EIF2B4: variants seen among roughly 807,000 people sequenced by gnomAD.
The protein encoded by EIF2B4 is translation initiation factor eIF2B subunit delta.
Under a neutral mutation model 66.7 loss-of-function variants are expected in EIF2B4, and 34 were observed. The ratio of observed to expected loss-of-function variants is 0.51; its 90% confidence interval spans 0.39 to 0.68. EIF2B4 has a LOEUF of 0.68. EIF2B4 is among the 30% of genes least tolerant of loss of function. The pLI is 0.00. For missense variants in EIF2B4, 618 were observed against 657.9 expected (o/e 0.94, Z 0.66); for synonymous variants, 278 against 253.6 (o/e 1.10, Z -0.92).
intron 1 of EIF2B4, 156 bp downstream of exon 1, chr2:27,370,128 T>G (rs1682289719): frequency 6.6e-7 from 1 of 1,523,136 alleles, no homozygotes; most frequent in Non-Finnish European, 8.8e-7. Flanking sequence ...AACCAGCCGG[T>G]GCGCGGCGCG....
Position 27,369,149 on chromosome 2 carries a change from G to A in EIF2B4, c.275C>T (p.Pro92Leu). ...IQLGTPREKV[P>L]AGRSKAELRA... Reference sequence around the variant, plus strand: ...AAGTTCGGCCTTACTCCGACCAGCTGGAACTTTCTCCCGAGGAGTGCCCAA... The same window carrying A: ...AAGTTCGGCCTTACTCCGACCAGCTAGAACTTTCTCCCGAGGAGTGCCCAA... Residue 92 changes from proline (P) to leucine (L), a missense_variant, in exon 4 of 13, where the codon CCA (proline) becomes CTA (leucine). Coordinates refer to ENST00000347454, the MANE Select transcript of EIF2B4 (RefSeq NM_001034116.2). 1.2e-6 allele frequency: 2 copies of A among 1,613,760 alleles called. No individual in the cohort carries two copies. Among genetic ancestry groups the A allele is most frequent in the South Asian group, 1.1e-5 (1 of 91,074 alleles).
intron 11 of EIF2B4, chr2:27,366,035 C>CGGGT (rs1681819405): frequency 6.6e-6 from 1 of 150,392 alleles, no homozygotes; most frequent in African/African-American, 2.5e-5. Flanking sequence ...CCACCATGCC[C>CGGGT]GGGTGTGTGT....
chr2:27,367,951 C>T (rs1681987081), intron 7 of EIF2B4, 74 bp downstream of exon 7: 1 of 1,486,052 alleles, frequency 6.7e-7, no homozygotes, highest in African/African-American at 1.4e-5. Context: ...CAGAGATGAC[C>T]TTGGGTGACA....
Position 27,367,472 on chromosome 2 carries a change from G to A in EIF2B4, c.870C>T (p.Ser290=). The A allele has an allele frequency of 1.2e-6, 2 of 1,614,084 alleles. No homozygotes were observed. Among genetic ancestry groups the A allele is most frequent in the Non-Finnish European group, 1.7e-6 (2 of 1,180,018 alleles). ...TACTCATCACCTCCTCTTCCCGCTT[G>A]GAACTGCCCACACTGGTGATTTCCT... ...LNKEITSVGS[S]KREEEAKSEL... Residue 290 remains serine (S), a synonymous_variant, in exon 9 of 13, where the codon TCC becomes TCT. Coordinates refer to ENST00000347454, the MANE Select transcript of EIF2B4 (RefSeq NM_001034116.2).
At chr2:27,366,692 T>G in intron 11 of EIF2B4, 67 bp downstream of exon 11, 681 of 1,560,062 alleles carry the variant, frequency 4.4e-4, no homozygotes, top group Non-Finnish European at 5.5e-4. Context: ...TTTGGGAAGG[T>G]GAGATTATGT....
chr2:27,369,274 A>G, intron 3 of EIF2B4, 62 bp from the exon 4 acceptor site: 1 of 1,606,258 alleles, frequency 6.2e-7, no homozygotes, highest in African/African-American at 1.3e-5. Context: ...GCCCCAGCTA[A>G]AACTAGCTTC....
chr2:27,369,914 C>G lies in EIF2B4; in HGVS notation c.37G>C (p.Gly13Arg). The G allele has an allele frequency of 1.3e-6, 2 of 1,583,446 alleles. No individual in the cohort carries two copies. Among genetic ancestry groups the G allele is most frequent in the Non-Finnish European group, 1.7e-6 (2 of 1,165,172 alleles). Residue 13 changes from glycine (G) to arginine (R), a missense_variant, in exon 2 of 13, where the codon GGA (glycine) becomes CGA (arginine). Around this residue, in one of 4 missense-constraint regions of EIF2B4, gnomAD observed 506 missense variants for 511.9 expected, o/e 0.99. Transcript: ENST00000347454. ...AVAVAVREDS[G>R]SGMKAELPPG... The stretch of plus-strand genomic sequence containing the variant: ...GGAAGCTCCGCCTTCATCCCGGATC[C>G]CGAGTCTGCATCAGAAAACAGGGCA...
At chr2:27,368,337 G>T in intron 6 of EIF2B4, 35 bp downstream of exon 6, 2 of 1,572,324 alleles carry the variant, frequency 1.3e-6, no homozygotes, top group East Asian at 2.2e-5. Context: ...AAACTCCTCA[G>T]ACTCAAAAGT....
In EIF2B4 at chr2:27,367,456, C is replaced by T. The variant is rs1207909715; in HGVS notation, c.885+1G>A. On this transcript the variant is annotated splice_donor_variant, in intron 9 of 12. Transcript: ENST00000347454. LOFTEE classifies it high-confidence loss of function. Reference sequence around the variant, plus strand: ...CCTTCCTTATTTCTCATACTCATCACCTCCTCTTCCCGCTTGGAACTGCCC... The same window carrying T: ...CCTTCCTTATTTCTCATACTCATCATCTCCTCTTCCCGCTTGGAACTGCCC... The T allele has an allele frequency of 6.2e-7, 1 of 1,614,070 alleles. No individual in the cohort carries two copies. The highest frequency in any genetic ancestry group is 8.5e-7 in the Non-Finnish European group (1 of 1,180,022).
intron 7 of EIF2B4, 90 bp downstream of exon 7, chr2:27,367,935 G>A (rs1417338169): frequency 1.4e-6 from 2 of 1,475,644 alleles, no homozygotes; most frequent in Non-Finnish European, 1.9e-6. Context: ...TATTCCCTCT[G>A]TCCCCCAGAG....
chr2:27,368,286 T>A, intron 6 of EIF2B4, 86 bp downstream of exon 6: 1 of 1,382,074 alleles, frequency 7.2e-7, no homozygotes. Flanking sequence ...TCCTACAGAG[T>A]CCATCTCAGA....
chr2:27,366,683 T>C (rs555829479), intron 11 of EIF2B4, 76 bp downstream of exon 11: 19 of 1,548,148 alleles, frequency 1.2e-5, no homozygotes, highest in Admixed American at 6.7e-5. Flanking sequence ...AACTGTAACT[T>C]TGGGAAGGTG....
chr2:27,368,580 G>C, intron 5 of EIF2B4, 74 bp downstream of exon 5: 1 of 1,586,004 alleles, frequency 6.3e-7, no homozygotes, highest in Non-Finnish European at 8.7e-7. Context: ...TTCTCACTTT[G>C]CACCCAGCAC....
rs553632153 is a variant in EIF2B4 at position 27,367,371 on chromosome 2, C to T, written c.885+86G>A. On this transcript the variant is annotated intron_variant, in intron 9 of 12. Coordinates refer to ENST00000347454, the MANE Select transcript of EIF2B4 (RefSeq NM_001034116.2). ...AACCCTTGACTAGGGCAAAAAAAGG[C>T]TTACGTTGGCCTTCCCGGGAGTTTT... The T allele has an allele frequency of 6.6e-4, 1,059 of 1,592,582 alleles. 2 individuals are homozygous for T. The highest frequency in any genetic ancestry group is 8.5e-4 in the Non-Finnish European group (988 of 1,161,012).
Position 27,369,477 on chromosome 2 carries a change from G to A in EIF2B4, c.148C>T (p.Arg50Trp). 1 of 1,613,922 alleles carries A rather than the reference G, an allele frequency of 6.2e-7. No homozygotes were observed. Among genetic ancestry groups the A allele is most frequent in the South Asian group, 1.1e-5 (1 of 91,078 alleles). ...GGTTCTGCCCCCTTTTCTTCCTTCC[G>A]TTTCTTCTTCTGCTGTTTCTTTTCC... ...RKEKKQQKKK[R>W]KEEKGAEPET... The change falls in exon 3 of 13, where the codon CGG becomes TGG. Residue 50 changes from arginine to tryptophan, a missense_variant. Transcript: ENST00000347454.
In EIF2B4 at chr2:27,369,881, G is replaced by C; in HGVS notation, c.70C>G (p.Pro24Ala). The change falls in exon 2 of 13, where the codon CCT (proline) becomes GCT (alanine). Residue 24 changes from proline (P) to alanine (A), a missense_variant. This residue lies in a region of EIF2B4 where 506 missense variants were observed against 511.9 expected (regional missense o/e 0.99). Coordinates refer to ENST00000347454, the MANE Select transcript of EIF2B4 (RefSeq NM_001034116.2). The part of the protein sequence containing the change: ...SGMKAELPPG[P>A]GAVGREMTKE... ...GGGAGGGAAGCCTCACTTACCCCAG[G>C]CCCAGGGGGAAGCTCCGCCTTCATC... The C allele has an allele frequency of 6.3e-7, 1 of 1,582,462 alleles. No homozygotes were observed. The highest frequency in any genetic ancestry group is 1.2e-5 in the South Asian group (1 of 86,688).
At position 27,367,832 on chromosome 2, in the gene EIF2B4, A is replaced by G; in HGVS notation, c.706-10T>C. On this transcript the variant is annotated splice_polypyrimidine_tract_variant and intron_variant, in intron 7 of 12. Coordinates refer to ENST00000347454, the MANE Select transcript of EIF2B4 (RefSeq NM_001034116.2). ...TGTAATCCTGAATCACCTATAGGGTACACAAGGTGATCTGCAAAATACCCC... is the reference window on the plus strand; with the variant it reads ...TGTAATCCTGAATCACCTATAGGGTGCACAAGGTGATCTGCAAAATACCCC... The G allele has an allele frequency of 1.9e-6, 3 of 1,612,362 alleles. No individual in the cohort carries two copies. The highest frequency in any genetic ancestry group is 2.5e-6 in the Non-Finnish European group (3 of 1,178,396).
In EIF2B4 at chr2:27,368,819, A is replaced by G. The variant is rs923612148; in HGVS notation, c.419-86T>C. 3.3e-6 allele frequency: 5 copies of G among 1,506,264 alleles called. No individual in the cohort carries two copies. In the African/African-American group the frequency reaches 6.9e-5, roughly 21 times the overall value. The allele number at this position is 1,506,264 out of a possible 1,614,324, so 93.3% of individuals were successfully genotyped here. On this transcript the variant is annotated intron_variant, in intron 4 of 12. Transcript: ENST00000347454. ...TAGGGTATAAGGGGCATCAAGAAAAACAGGATGAGGTGGAGAAAACGGGAG... is the reference window on the plus strand; with the variant it reads ...TAGGGTATAAGGGGCATCAAGAAAAGCAGGATGAGGTGGAGAAAACGGGAG...
At chr2:27,369,631 A>G in intron 2 of EIF2B4, 82 bp from the exon 3 acceptor site, 1 of 1,606,084 alleles carries the variant, frequency 6.2e-7, no homozygotes, top group Non-Finnish European at 8.5e-7. Flanking sequence ...CAAGATTTCC[A>G]CATGGTTAAA....
Sources: gnomAD v4.1 joint callset for allele counts on GRCh38, gnomAD v4.1.1 for gene constraint, gnomAD v4.1.1 regional missense constraint, MANE v1.5 for transcripts, NCBI Gene and HGNC (gene_info 2026-07-23, HGNC 2026-07-21) for gene names.